MSMO1: variants seen among roughly 807,000 people sequenced by gnomAD.
MSMO1 encodes methylsterol monooxygenase 1.
MSMO1 carries 18 observed loss-of-function variants against 30.4 expected under a neutral mutation model. The ratio of observed to expected loss-of-function variants is 0.59; its 90% CI spans 0.41 to 0.88. MSMO1 has a LOEUF of 0.88. MSMO1 is among the 40% of genes least tolerant of loss of function. The probability of loss-of-function intolerance (pLI) is 0.00; values close to 1 mark genes in which losing one functional copy is unlikely to be tolerated. For missense variants in MSMO1, 284 were observed against 340.5 expected, an observed-to-expected ratio of 0.83 and a Z score of 1.31; for synonymous variants, 84 against 107.9, an observed-to-expected ratio of 0.78 and a Z score of 1.37.
In MSMO1 at chr4:165,337,421, A is replaced by G. The variant is rs367954422; in HGVS notation, c.256-368A>G. ...GTAAAAGGCTTCCAATGCTTCGTAT[A>G]CAACTTCTTCAATTGTGGACACCCA... On this transcript the variant is annotated intron_variant, in intron 2 of 5. Coordinates refer to ENST00000261507, the MANE Select transcript of MSMO1 (RefSeq NM_006745.5). Among the ~76,000 whole-genome samples, 19 of 152,354 alleles carry G rather than the reference A, an allele frequency of 1.2e-4. No homozygotes were observed. The East Asian group carries it at 2.3e-3, about 19-fold the overall frequency.
intron 2 of MSMO1, among the ~76,000 whole-genome samples, chr4:165,335,660 G>C (rs1866218): frequency 0.66 from 100,936 of 151,970 alleles, 33,928 homozygotes; most frequent in African/African-American, 0.73. Context: ...AGTAACCTTT[G>C]CAGAGAGACA....
chr4:165,328,783 T>C (rs1747307717), intron 1 of MSMO1, among the ~76,000 whole-genome samples: 1 of 152,242 alleles, frequency 6.6e-6, no homozygotes, highest in Non-Finnish European at 1.5e-5. Context: ...CTCGCTCCTT[T>C]GTGAAAAGTA....
intron 2 of MSMO1, 81 bp from the exon 3 acceptor site, chr4:165,337,708 A>G: frequency 7.1e-7 from 1 of 1,413,638 alleles, no homozygotes; most frequent in South Asian, 1.2e-5. Context: ...ATTAAGGTCC[A>G]ACATAAACAG....
At chr4:165,333,675 AT>A in intron 2 of MSMO1, 50 bp downstream of exon 2, 1 of 1,504,552 alleles carries the variant, frequency 6.6e-7, no homozygotes, top group Non-Finnish European at 9.0e-7. Context: ...GTTGCTGAAT[AT>A]TTTAAAAGTA....
chr4:165,337,947 TA>T lies in MSMO1; in HGVS notation c.404+15del. The T allele has an allele frequency of 6.2e-7, 1 of 1,612,940 alleles. No individual in the cohort carries two copies. The highest frequency in any genetic ancestry group is 8.5e-7 in the Non-Finnish European group (1 of 1,179,474). On this transcript the variant is annotated intron_variant, in intron 3 of 5. Coordinates refer to ENST00000261507, the MANE Select transcript of MSMO1 (RefSeq NM_006745.5). ...AAAGAATGCCAAGATGGTACGTAGA[TA>T]AAAATTTGGCTTTTACACCCAATTG...
In MSMO1 at chr4:165,332,620, C is replaced by T. The variant is rs28665385; in HGVS notation, c.-31-720C>T. On this transcript the variant is annotated intron_variant, in intron 1 of 5. Transcript: ENST00000261507. Reference sequence around the variant, plus strand: ...TGTGTGGTCATGCCTGTTCTCTCACCCTCTTACCAGTACTGGACATTAATA... The same window carrying T: ...TGTGTGGTCATGCCTGTTCTCTCACTCTCTTACCAGTACTGGACATTAATA... Among the ~76,000 whole-genome samples the T allele has an allele frequency of 3.9e-3, 601 of 152,248 alleles. 3 individuals carry two copies. The highest frequency in any genetic ancestry group is 0.014 in the African/African-American group (582 of 41,558).
chr4:165,329,914 G>A (rs1267821615), intron 1 of MSMO1, among the ~76,000 whole-genome samples: 3 of 152,004 alleles, frequency 2.0e-5, no homozygotes, highest in South Asian at 2.1e-4. Context: ...GATTACCAGC[G>A]TAAGCCACCA....
At chr4:165,338,404 T>C (rs961571959) in intron 3 of MSMO1, among the ~76,000 whole-genome samples, 1 of 151,740 alleles carries the variant, frequency 6.6e-6, no homozygotes, top group Non-Finnish European at 1.5e-5. Flanking sequence ...AAAAGTGTCA[T>C]GAGGCAAGTT....
chr4:165,338,333 CACAT>C (rs1579217413), intron 3 of MSMO1, among the ~76,000 whole-genome samples: 1 of 147,974 alleles, frequency 6.8e-6, no homozygotes, highest in African/African-American at 2.5e-5. Flanking sequence ...TATATATACA[CACAT>C]ATATATATAC....
In MSMO1 at chr4:165,338,665, G is replaced by C; in HGVS notation, c.418G>C (p.Ala140Pro). 4 of 1,609,428 alleles carry C rather than the reference G, an allele frequency of 2.5e-6. No homozygotes were observed. Among genetic ancestry groups the C allele is most frequent in the Non-Finnish European group, 3.4e-6 (4 of 1,176,066 alleles). Residue 140 changes from alanine (A) to proline (P), a missense_variant, in exon 4 of 6, where the codon GCA becomes CCA. Coordinates refer to ENST00000261507, the MANE Select transcript of MSMO1 (RefSeq NM_006745.5). ...ERMPRWYFLLARCFGCAVIED... is the reference protein window; with the variant it reads ...ERMPRWYFLLPRCFGCAVIED... ...TTTATCTTAAAGGTATTTTCTTTTG[G>C]CAAGATGCTTTGGTTGTGCAGTCAT...
At chr4:165,332,276 A>G (rs1747418504) in intron 1 of MSMO1, among the ~76,000 whole-genome samples, 1 of 152,196 alleles carries the variant, frequency 6.6e-6, no homozygotes, top group Non-Finnish European at 1.5e-5. Context: ...GTAACTTGTT[A>G]CTTGGATTAA....
At chr4:165,336,747 A>G (rs1747560285) in intron 2 of MSMO1, among the ~76,000 whole-genome samples, 1 of 152,226 alleles carries the variant, frequency 6.6e-6, no homozygotes, top group South Asian at 2.1e-4. Flanking sequence ...AGAGCTAGTT[A>G]ACTGGTGAGT....
rs142496142 is a variant in MSMO1 at position 165,340,299 on chromosome 4, G to A, written c.610G>A (p.Val204Met). The change falls in exon 5 of 6, where the codon GTG becomes ATG. Residue 204 changes from valine (V) to methionine (M), a missense_variant. Coordinates refer to ENST00000261507, the MANE Select transcript of MSMO1 (RefSeq NM_006745.5). Reference sequence around the variant, plus strand: ...TGGAACTGGATTTTTCATTGGAATCGTGCTTTTGTGTGATCATGTAATTCT... The same window carrying A: ...TGGAACTGGATTTTTCATTGGAATCATGCTTTTGTGTGATCATGTAATTCT... The part of the protein sequence containing the change: ...ILGTGFFIGI[V>M]LLCDHVILLW... 4,559 of 1,613,800 alleles carry A rather than the reference G, an allele frequency of 2.8e-3. 10 individuals are homozygous for A. The highest frequency in any genetic ancestry group is 3.3e-3 in the Non-Finnish European group (3,934 of 1,179,818).
chr4:165,328,640 T>C (rs1050691909), intron 1 of MSMO1, among the ~76,000 whole-genome samples: 7 of 152,200 alleles, frequency 4.6e-5, no homozygotes, highest in African/African-American at 1.7e-4. Flanking sequence ...CTAGTCAACC[T>C]GTTCCAGAAC....
At chr4:165,338,566 A>G in intron 3 of MSMO1, 86 bp from the exon 4 acceptor site, 1 of 1,225,052 alleles carries the variant, frequency 8.2e-7, no homozygotes, top group South Asian at 1.2e-5. Context: ...GTTTTATGTA[A>G]TGTCTCAAGC....
chr4:165,336,182 GA>G (rs113579897), intron 2 of MSMO1, among the ~76,000 whole-genome samples: 24,261 of 150,220 alleles, frequency 0.16, 3,777 homozygotes, highest in African/African-American at 0.41. Flanking sequence ...CTAGTTAGGC[GA>G]AAATTTCACA....
Position 165,340,242 on chromosome 4 carries a change from G to A in MSMO1, c.553G>A (p.Glu185Lys). 1 of 1,613,848 alleles carries A rather than the reference G, an allele frequency of 6.2e-7. No individual in the cohort carries two copies. The highest frequency in any genetic ancestry group is 8.5e-7 in the Non-Finnish European group (1 of 1,179,930). The change falls in exon 5 of 6, where the codon GAA (glutamate) becomes AAA (lysine). Residue 185 changes from glutamate to lysine, a missense_variant. Coordinates refer to ENST00000261507, the MANE Select transcript of MSMO1 (RefSeq NM_006745.5). ...TTAGGCTCCATTTGGAATGGAAGCT[G>A]AATATGCACATCCTTTGGAGACTCT... Reference protein sequence around the residue: ...EFQAPFGMEAEYAHPLETLIL... With the variant: ...EFQAPFGMEAKYAHPLETLIL...
intron 4 of MSMO1, among the ~76,000 whole-genome samples, chr4:165,339,661 G>A (rs1485818267): frequency 2.0e-5 from 3 of 152,098 alleles, no homozygotes; most frequent in African/African-American, 4.8e-5. Context: ...ATTTATAAGT[G>A]TATGACTAGA....
rs1393564015 is a variant in MSMO1 at position 165,340,326 on chromosome 4, C to T, written c.637C>T (p.Leu213Phe). 6.2e-7 allele frequency: 1 copy of T among 1,613,864 alleles called. No homozygotes were observed. Among genetic ancestry groups the T allele is most frequent in the Admixed American group, 1.7e-5 (1 of 60,026 alleles). The change falls in exon 5 of 6, where the codon CTT (leucine) becomes TTT (phenylalanine). Residue 213 changes from leucine (L) to phenylalanine (F), a missense_variant. By Grantham distance (22) the Leu-to-Phe change is conservative. Transcript: ENST00000261507. ...IVLLCDHVIL[L>F]WAWVTIRLLE... ...GCTTTTGTGTGATCATGTAATTCTT[C>T]TTTGGGCATGGGTGACCATTCGTTT...
Sources: allele counts gnomAD v4.1 joint callset (sites outside exome capture counted in the v4.1 genomes callset), GRCh38; gene constraint gnomAD v4.1.1; transcripts MANE v1.5; gene names NCBI Gene and HGNC (gene_info 2026-07-23, HGNC 2026-07-21).